PALMD: variants seen among roughly 807,000 people sequenced by gnomAD.
The protein encoded by PALMD is palmdelphin.
In PALMD, 42 loss-of-function variants were observed where a neutral mutation model predicts 56.2. The ratio of observed to expected loss-of-function variants is 0.75; its 90% CI spans 0.58 to 0.97. The LOEUF is 0.97. Among genes scored for constraint, PALMD ranks in the 50% least tolerant of loss-of-function variants. PALMD has a pLI of 0.00. For missense variants in PALMD, 660 were observed against 643.8 expected (o/e 1.03, Z -0.27); for synonymous variants, 242 against 222.9 (o/e 1.09, Z -0.76).
intron 2 of PALMD, among the ~76,000 whole-genome samples, chr1:99,667,388 T>A (rs1359898972): frequency 6.6e-6 from 1 of 152,056 alleles, no homozygotes; most frequent in Non-Finnish European, 1.5e-5. Context: ...GGGCCAGGGA[T>A]CTTCATGCCA....
Position 99,686,910 on chromosome 1 carries a change from A to C in PALMD, c.367-20A>C, listed in dbSNP as rs373624327. 16 of 1,533,228 alleles carry C rather than the reference A, an allele frequency of 1.0e-5. No homozygotes were observed. The highest frequency in any genetic ancestry group is 1.3e-5 in the Non-Finnish European group (15 of 1,114,562). The allele number at this position is 1,533,228 out of a possible 1,614,324, so 95.0% of individuals were successfully genotyped here. ...ATTTTTTAAACTGTATTAATCATGG[A>C]GAATTCTTTTTTCTTACAGTCTGTG... On this transcript the variant is annotated intron_variant, in intron 4 of 7. Coordinates refer to ENST00000263174, the MANE Select transcript of PALMD (RefSeq NM_017734.5).
At chr1:99,654,141 A>T (rs1652657206) in intron 1 of PALMD, among the ~76,000 whole-genome samples, 1 of 152,044 alleles carries the variant, frequency 6.6e-6, no homozygotes, top group Non-Finnish European at 1.5e-5. Context: ...CCACTCGATC[A>T]ATCACGTGAC....
chr1:99,681,139 GTA>G (rs1375913489), intron 3 of PALMD, among the ~76,000 whole-genome samples: 45 of 129,634 alleles, frequency 3.5e-4, no homozygotes, highest in Admixed American at 1.9e-3. Context: ...GTGTGTGTAT[GTA>G]TATATATATA....
At chr1:99,663,531 C>G (rs1652899433) in intron 2 of PALMD, among the ~76,000 whole-genome samples, 3 of 151,876 alleles carry the variant, frequency 2.0e-5, no homozygotes, top group Admixed American at 2.0e-4. Context: ...ACTCCAAAAC[C>G]AGAGGTCATT....
Position 99,667,697 on chromosome 1 carries a change from A to T in PALMD, c.182A>T (p.Gln61Leu), listed in dbSNP as rs139769545. The change falls in exon 3 of 8, where the codon CAG becomes CTG. Residue 61 changes from glutamine (Q) to leucine (L), a missense_variant. Transcript: ENST00000263174. ...GATGGAATCAGCAGCGGAAAAGAAC[A>T]GGAAGAGATGAAGAAGCAAAATCAA... Reference protein sequence around the residue: ...LLDGISSGKEQEEMKKQNQQD... With the variant: ...LLDGISSGKELEEMKKQNQQD... 6.2e-7 allele frequency: 1 copy of T among 1,613,488 alleles called. No individual in the cohort carries two copies. Among genetic ancestry groups the T allele is most frequent in the South Asian group, 1.1e-5 (1 of 91,070 alleles).
intron 3 of PALMD, among the ~76,000 whole-genome samples, chr1:99,678,397 G>A (rs924550924): frequency 1.3e-5 from 2 of 151,984 alleles, no homozygotes; most frequent in Non-Finnish European, 2.9e-5. Context: ...AAGCCACCAC[G>A]CCTGGCCCAG....
intron 1 of PALMD, 45 bp from the exon 2 acceptor site, chr1:99,662,274 A>T (rs747232975): frequency 1.9e-6 from 2 of 1,033,168 alleles, no homozygotes; most frequent in Non-Finnish European, 3.0e-6. Flanking sequence ...AAACATAATT[A>T]AGCAAATTTT....
At chr1:99,673,442 C>G (rs950562760) in intron 3 of PALMD, among the ~76,000 whole-genome samples, 1 of 151,368 alleles carries the variant, frequency 6.6e-6, no homozygotes, top group East Asian at 1.9e-4. Context: ...TACCACATAG[C>G]AGAGAGATAG....
intron 3 of PALMD, among the ~76,000 whole-genome samples, chr1:99,682,060 A>G (rs1653358921): frequency 6.6e-6 from 1 of 152,006 alleles, no homozygotes; most frequent in Non-Finnish European, 1.5e-5. Context: ...CCAGTTCCTT[A>G]CTCTCAGTTA....
intron 1 of PALMD, among the ~76,000 whole-genome samples, chr1:99,652,879 T>C (rs12089259): frequency 0.01 from 1,597 of 152,296 alleles, 32 homozygotes; most frequent in African/African-American, 0.037. Context: ...CTGCAGTCTC[T>C]TCCCACCTTC....
intron 2 of PALMD, among the ~76,000 whole-genome samples, chr1:99,665,914 C>CAAACAGCT (rs1652949452): frequency 6.6e-6 from 1 of 152,082 alleles, no homozygotes; most frequent in African/African-American, 2.4e-5. Context: ...AACATTTTTG[C>CAAACAGCT]AAACAGCTAA....
At position 99,655,938 on chromosome 1, in the gene PALMD, ACACACACACATG is replaced by A. The variant is rs751787160; in HGVS notation, c.46-6370_46-6359del. Among the ~76,000 whole-genome samples the A allele has an allele frequency of 4.9e-3, 158 of 32,330 alleles. 1 individual carries two copies. In the South Asian group the frequency reaches 0.07, roughly 14 times the overall value. The allele number at this position is 32,330 out of a possible 152,430, so 21.2% of individuals were successfully genotyped here. On this transcript the variant is annotated intron_variant, in intron 1 of 7. Coordinates refer to ENST00000263174, the MANE Select transcript of PALMD (RefSeq NM_017734.5). Reference sequence around the variant, plus strand: ...TGTTCTCAGCATAACACACACGCACACACACACACATGCACACACACACACACACGCATGCAC... The same window carrying A: ...TGTTCTCAGCATAACACACACGCACACACACACACACACACACGCATGCAC...
chr1:99,651,139 A>C (rs1652575204), intron 1 of PALMD, among the ~76,000 whole-genome samples: 1 of 151,612 alleles, frequency 6.6e-6, no homozygotes, highest in Admixed American at 6.6e-5. Flanking sequence ...AATATTCAAC[A>C]ATGAAACCTC....
At chr1:99,686,879 G>A (rs535564982) in intron 4 of PALMD, 51 bp from the exon 5 acceptor site, 1 of 1,408,376 alleles carries the variant, frequency 7.1e-7, no homozygotes, top group East Asian at 2.3e-5. Flanking sequence ...TCCACATTTA[G>A]ATTCTATTTT....
chr1:99,683,752 G>A (rs1933723), intron 3 of PALMD: 113,903 of 152,198 alleles, frequency 0.75, 43,543 homozygotes, highest in African/African-American at 0.91. Context: ...CAAAATTCCA[G>A]TGGCTTCCCC....
Position 99,689,399 on chromosome 1 carries a change from A to G in PALMD, c.1139A>G (p.Glu380Gly). 6.2e-7 allele frequency: 1 copy of G among 1,613,824 alleles called. No individual in the cohort carries two copies. Among genetic ancestry groups the G allele is most frequent in the Non-Finnish European group, 8.5e-7 (1 of 1,179,882 alleles). ...SPRETIFGKSEHQNSSPTCQE... is the reference protein window; with the variant it reads ...SPRETIFGKSGHQNSSPTCQE... ...AGAGAGACAATATTTGGGAAATCTG[A>G]ACACCAGAATTCTTCACCCACTTGT... Residue 380 changes from glutamate (E) to glycine (G), a missense_variant, in exon 7 of 8, where the codon GAA becomes GGA. Physicochemically the swap from Glu to Gly is moderately conservative, Grantham distance 98. Coordinates refer to ENST00000263174, the MANE Select transcript of PALMD (RefSeq NM_017734.5).
intron 1 of PALMD, among the ~76,000 whole-genome samples, chr1:99,647,773 T>A (rs577699509): frequency 6.6e-6 from 1 of 152,338 alleles, no homozygotes; most frequent in African/African-American, 2.4e-5. Context: ...CTAATGCTTA[T>A]ATCTCCTAAT....
At chr1:99,652,659 A>AGAAAGGAAAGGAAAGGAAAG (rs59533552) in intron 1 of PALMD, among the ~76,000 whole-genome samples, 32 of 122,342 alleles carry the variant, frequency 2.6e-4, no homozygotes, top group African/African-American at 6.9e-4. Context: ...AAGAAAGAAA[A>AGAAAGGAAAGGAAAGGAAAG]GAAAGGAAAG....
chr1:99,688,953 C>T lies in PALMD; in HGVS notation c.693C>T (p.Thr231=), dbSNP rs1167517079. Residue 231 remains threonine (T), a synonymous_variant, in exon 7 of 8, where the codon ACC becomes ACT. Transcript: ENST00000263174. The part of the protein sequence containing the change: ...SSNHSAAYNG[T]DGLAPVEVEE... ...ATCACAGTGCAGCATACAATGGCAC[C>T]GATGGCCTGGCACCAGTTGAAGTAG... 1.1e-5 allele frequency: 18 copies of T among 1,613,286 alleles called. No individual in the cohort carries two copies. Among genetic ancestry groups the T allele is most frequent in the South Asian group, 2.2e-5 (2 of 91,058 alleles).
Sources: allele counts gnomAD v4.1 joint callset (sites outside exome capture counted in the v4.1 genomes callset), GRCh38; gene constraint gnomAD v4.1.1; transcripts MANE v1.5; gene names NCBI Gene and HGNC (gene_info 2026-07-23, HGNC 2026-07-21).